Variants in EBF2 observed in about 807,000 individuals in gnomAD.
EBF2 encodes EBF transcription factor 2.
A neutral mutation model predicts 72.8 loss-of-function variants in EBF2; 21 were observed. The observed-to-expected ratio is 0.29, with a 90% CI of 0.20 to 0.42. The LOEUF (loss-of-function observed/expected upper bound fraction) is 0.42, where lower values mean the gene tolerates loss of function less well. Ranked by LOEUF, EBF2 falls within the 10% of genes least tolerant of loss-of-function variation. EBF2 has a pLI of 1.00. For missense variants in EBF2, 637 were observed against 731.2 expected (o/e 0.87, Z 1.49); for synonymous variants, 299 against 274.2 (o/e 1.09, Z -0.89).
intron 6 of EBF2, among the ~76,000 whole-genome samples, chr8:26,002,932 A>G (rs398046976): frequency 1.0e-4 from 2 of 19,840 alleles, no homozygotes; most frequent in South Asian, 2.1e-3. Flanking sequence ...GCGGGCAGGC[A>G]GGCAGGCAGG....
chr8:25,894,563 C>G (rs560605366), intron 7 of EBF2, among the ~76,000 whole-genome samples: 22 of 152,276 alleles, frequency 1.4e-4, no homozygotes, highest in Middle Eastern at 6.8e-3. Context: ...GTTCTCTCCC[C>G]CTTCTCGTTT....
At chr8:25,875,180 G>A (rs1222823378) in intron 10 of EBF2, among the ~76,000 whole-genome samples, 1 of 152,178 alleles carries the variant, frequency 6.6e-6, no homozygotes, top group Non-Finnish European at 1.5e-5. Flanking sequence ...GAAGCCCTGT[G>A]CTGGTCCAAC....
chr8:25,850,237 C>T (rs149625449), intron 15 of EBF2, among the ~76,000 whole-genome samples: 31 of 152,278 alleles, frequency 2.0e-4, no homozygotes, highest in African/African-American at 4.3e-4. Flanking sequence ...CTCAGCCTCT[C>T]GAGTAGCTAG....
chr8:26,043,585 AGGAG>A (rs1417861202), intron 1 of EBF2, among the ~76,000 whole-genome samples: 7 of 152,198 alleles, frequency 4.6e-5, no homozygotes, highest in Non-Finnish European at 1.0e-4. Flanking sequence ...CCCGGGCCAC[AGGAG>A]GGAGGGAACC....
chr8:26,026,237 G>T (rs975035425), intron 6 of EBF2, among the ~76,000 whole-genome samples: 1 of 152,094 alleles, frequency 6.6e-6, no homozygotes, highest in Non-Finnish European at 1.5e-5. Flanking sequence ...ACAGTACTGG[G>T]TTCTCCCATA....
At position 25,931,738 on chromosome 8, in the gene EBF2, G is replaced by A. The variant is rs980048992; in HGVS notation, c.552-23183C>T. Among the ~76,000 whole-genome samples, 28 of 152,208 alleles carry A rather than the reference G, an allele frequency of 1.8e-4. No homozygotes were observed. In the East Asian group the frequency reaches 5.4e-3, roughly 29 times the overall value. On this transcript the variant is annotated intron_variant, in intron 6 of 15. Transcript: ENST00000520164. ...GGTACAAGGGGACTATTTTGCTTGG[G>A]GGAAATGTAGATCTTCCATCTTTCG...
chr8:25,866,119 C>A (rs908713120), intron 10 of EBF2, among the ~76,000 whole-genome samples: 1 of 151,470 alleles, frequency 6.6e-6, no homozygotes, highest in Non-Finnish European at 1.5e-5. Context: ...TAGGCCTGTA[C>A]ATTCATATCA....
chr8:25,966,875 G>A (rs1022050144), intron 6 of EBF2, among the ~76,000 whole-genome samples: 1 of 152,198 alleles, frequency 6.6e-6, no homozygotes, highest in Admixed American at 6.5e-5. Context: ...AAGCTGTGGT[G>A]CCCTTCCTGC....
chr8:25,864,774 C>G (rs1802275903), intron 10 of EBF2, among the ~76,000 whole-genome samples: 1 of 150,596 alleles, frequency 6.6e-6, no homozygotes, highest in South Asian at 2.1e-4. Flanking sequence ...AACACACAAT[C>G]TTTTAAAACT....
chr8:25,994,304 G>A (rs1563202351), intron 6 of EBF2, among the ~76,000 whole-genome samples: 1 of 152,092 alleles, frequency 6.6e-6, no homozygotes, highest in Admixed American at 6.6e-5. Context: ...AATGGCAACA[G>A]AAGAAAAGAA....
chr8:25,972,771 G>A (rs1446949827), intron 6 of EBF2, among the ~76,000 whole-genome samples: 2 of 151,316 alleles, frequency 1.3e-5, no homozygotes, highest in Non-Finnish European at 2.9e-5. Flanking sequence ...GCCACGATGT[G>A]TAAAATCACA....
intron 6 of EBF2, among the ~76,000 whole-genome samples, chr8:26,005,551 T>TAGAGAGAG (rs71216408): frequency 2.4e-5 from 1 of 42,004 alleles, no homozygotes; most frequent in Non-Finnish European, 3.7e-5. Context: ...TTTATATATA[T>TAGAGAGAG]ATATATATAT....
At chr8:25,939,717 C>T (rs752204706) in intron 6 of EBF2, among the ~76,000 whole-genome samples, 2 of 152,274 alleles carry the variant, frequency 1.3e-5, no homozygotes, top group East Asian at 1.9e-4. Flanking sequence ...AATCACTTAA[C>T]TTTTGTTCTT....
At chr8:26,008,937 A>G (rs1159988638) in intron 6 of EBF2, among the ~76,000 whole-genome samples, 2 of 151,892 alleles carry the variant, frequency 1.3e-5, no homozygotes, top group Non-Finnish European at 2.9e-5. Flanking sequence ...GTTAAGCCAA[A>G]AAGTTTGTGA....
At chr8:25,965,019 C>T (rs1387786558) in intron 6 of EBF2, among the ~76,000 whole-genome samples, 1 of 152,158 alleles carries the variant, frequency 6.6e-6, no homozygotes, top group African/African-American at 2.4e-5. Flanking sequence ...AGCATCAGCA[C>T]ATTAATTTAT....
At chr8:25,954,172 T>TG (rs1228817130) in intron 6 of EBF2, among the ~76,000 whole-genome samples, 1 of 152,172 alleles carries the variant, frequency 6.6e-6, no homozygotes, top group East Asian at 1.9e-4. Context: ...AGGGTATGTG[T>TG]GGGAGAGAGA....
At chr8:25,893,932 G>C (rs921893907) in intron 7 of EBF2, among the ~76,000 whole-genome samples, 1 of 152,148 alleles carries the variant, frequency 6.6e-6, no homozygotes, top group African/African-American at 2.4e-5. Flanking sequence ...ATGACAGCTA[G>C]GGAATTAACC....
chr8:25,928,412 C>T (rs996852435), intron 6 of EBF2, among the ~76,000 whole-genome samples: 8 of 152,162 alleles, frequency 5.3e-5, no homozygotes, highest in Non-Finnish European at 1.0e-4. Flanking sequence ...CTTCTCCCCA[C>T]GACCATTCCT....
chr8:25,957,370 G>A (rs1287345500), intron 6 of EBF2, among the ~76,000 whole-genome samples: 2 of 152,172 alleles, frequency 1.3e-5, no homozygotes, highest in Non-Finnish European at 2.9e-5. Context: ...TTGGGAAAAT[G>A]ACAAATTGAC....
Sources: gnomAD v4.1 joint callset for allele counts (sites outside exome capture counted in the v4.1 genomes callset) on GRCh38, gnomAD v4.1.1 for gene constraint, MANE v1.5 for transcripts, NCBI Gene and HGNC (gene_info 2026-07-23, HGNC 2026-07-21) for gene names.